Variants in RAB3IP observed in about 807,000 individuals in gnomAD.
RAB3IP encodes RAB3A interacting protein, also known as rab-3A-interacting protein.
A neutral mutation model predicts 59.1 loss-of-function variants in RAB3IP; 36 were observed. The observed-to-expected ratio is 0.61, with a 90% CI of 0.47 to 0.80. The LOEUF (loss-of-function observed/expected upper bound fraction) is 0.80, where lower values mean the gene tolerates loss of function less well. Among genes scored for constraint, RAB3IP ranks in the 30% least tolerant of loss-of-function variants. The probability of loss-of-function intolerance (pLI) is 0.00; values close to 1 mark genes in which losing one functional copy is unlikely to be tolerated. For synonymous variants in RAB3IP, 207 were observed against 191.2 expected (o/e 1.08, Z -0.68); for missense variants, 511 against 536.0 (o/e 0.95, Z 0.46).
intron 1 of RAB3IP, among the ~76,000 whole-genome samples, chr12:69,742,633 G>C (rs912816528): frequency 1.3e-4 from 20 of 152,192 alleles, no homozygotes; most frequent in African/African-American, 4.6e-4. Context: ...TGTGTTTGGT[G>C]ATGGATGATC....
intron 8 of RAB3IP, among the ~76,000 whole-genome samples, chr12:69,806,411 C>T (rs941203371): frequency 1.3e-5 from 2 of 151,794 alleles, no homozygotes; most frequent in Non-Finnish European, 1.5e-5. Context: ...GTCTTGCTAG[C>T]GGTCTATCAG....
At chr12:69,800,449 T>C (rs1878201558) in intron 7 of RAB3IP, 112 bp downstream of exon 7, 1 of 682,002 alleles carries the variant, frequency 1.5e-6, no homozygotes, top group Non-Finnish European at 2.2e-6. Context: ...TATTATAAAA[T>C]GTCATGTTTT....
chr12:69,807,428 C>T (rs933978376), intron 8 of RAB3IP, among the ~76,000 whole-genome samples: 1 of 146,108 alleles, frequency 6.8e-6, no homozygotes, highest in African/African-American at 2.6e-5. Flanking sequence ...GACGGGGCGG[C>T]CGGGCGGAGG....
At position 69,817,122 on chromosome 12, in the gene RAB3IP, G is replaced by A. The variant is rs1185175434; in HGVS notation, c.*1676G>A. ...AATAAAAAGAGAAACAAATCCAGGA[G>A]ATACTGTACGGTTTGAAAGAAAGGT... On this transcript the variant is annotated 3_prime_UTR_variant, in exon 11 of 11. Coordinates refer to ENST00000247833, the MANE Select transcript of RAB3IP (RefSeq NM_022456.5). 2 of 152,154 alleles carry A rather than the reference G, an allele frequency of 1.3e-5. No homozygotes were observed. Among genetic ancestry groups the A allele is most frequent in the East Asian group, 1.9e-4 (1 of 5,188 alleles). The allele number at this position is 152,154 out of a possible 1,614,324, so 9.4% of individuals were successfully genotyped here.
At chr12:69,746,801 T>C (rs967761433) in intron 1 of RAB3IP, among the ~76,000 whole-genome samples, 1 of 152,224 alleles carries the variant, frequency 6.6e-6, no homozygotes, top group African/African-American at 2.4e-5. Context: ...ATTTTTAATC[T>C]CAGAAACTGT....
At chr12:69,807,729 G>A (rs554315324) in intron 8 of RAB3IP, among the ~76,000 whole-genome samples, 4 of 147,586 alleles carry the variant, frequency 2.7e-5, no homozygotes, top group Admixed American at 1.3e-4. Context: ...TGGGGCGGCC[G>A]GGCAGAGGTG....
At chr12:69,744,595 G>A (rs1330580622) in intron 1 of RAB3IP, among the ~76,000 whole-genome samples, 1 of 151,758 alleles carries the variant, frequency 6.6e-6, no homozygotes, top group Non-Finnish European at 1.5e-5. Flanking sequence ...GTGGTGGCAG[G>A]CGCCTGTAAT....
At chr12:69,744,291 A>T (rs1887632349) in intron 1 of RAB3IP, among the ~76,000 whole-genome samples, 1 of 152,198 alleles carries the variant, frequency 6.6e-6, no homozygotes, top group African/African-American at 2.4e-5. Context: ...ATTAAATATT[A>T]GCTCATTGTA....
At chr12:69,786,038 A>G (rs1565904292) in intron 4 of RAB3IP, among the ~76,000 whole-genome samples, 1 of 152,174 alleles carries the variant, frequency 6.6e-6, no homozygotes, top group Non-Finnish European at 1.5e-5. Context: ...TTTTTTTCCT[A>G]AAGATTTGTT....
chr12:69,739,751 C>A, intron 1 of RAB3IP: 3 of 1,358,448 alleles, frequency 2.2e-6, no homozygotes, highest in Non-Finnish European at 3.2e-6. Context: ...CCAGCGTTGA[C>A]AACTCGCCCC....
chr12:69,801,466 T>C (rs1878362488), intron 7 of RAB3IP, 143 bp from the exon 8 acceptor site: 2 of 470,690 alleles, frequency 4.2e-6, no homozygotes, highest in Non-Finnish European at 7.5e-6. Flanking sequence ...ACCAAAATTA[T>C]CTGATTTCTT....
At chr12:69,761,383 G>T (rs150910966) in intron 3 of RAB3IP, among the ~76,000 whole-genome samples, 7 of 152,184 alleles carry the variant, frequency 4.6e-5, no homozygotes, top group African/African-American at 1.7e-4. Context: ...TTCATTTCTA[G>T]GGGATCACTG....
At chr12:69,801,579 A>G in intron 7 of RAB3IP, 30 bp from the exon 8 acceptor site, 1 of 1,241,494 alleles carries the variant, frequency 8.1e-7, no homozygotes, top group East Asian at 2.4e-5. Context: ...CTGCCAGTAT[A>G]GCATCTAGTA....
intron 3 of RAB3IP, among the ~76,000 whole-genome samples, chr12:69,766,597 TG>T (rs1457718424): frequency 6.6e-6 from 1 of 152,046 alleles, no homozygotes; most frequent in Non-Finnish European, 1.5e-5. Context: ...CTCGGCTCAC[TG>T]CAACCTCCGC....
At chr12:69,784,686 G>A in intron 3 of RAB3IP, 34 bp from the exon 4 acceptor site, 1 of 1,282,880 alleles carries the variant, frequency 7.8e-7, no homozygotes, top group Non-Finnish European at 1.1e-6. Context: ...TTCAAACTAT[G>A]GAGATCCAAA....
intron 1 of RAB3IP, among the ~76,000 whole-genome samples, chr12:69,747,181 G>T (rs1329354587): frequency 1.3e-5 from 2 of 152,140 alleles, no homozygotes; most frequent in Admixed American, 6.6e-5. Context: ...TCCTAGAGAT[G>T]ATTATAATAG....
chr12:69,745,640 A>G (rs1239317757), intron 1 of RAB3IP, among the ~76,000 whole-genome samples: 1 of 152,174 alleles, frequency 6.6e-6, no homozygotes. Context: ...ATTAAACATT[A>G]TTATTCTGTT....
intron 8 of RAB3IP, among the ~76,000 whole-genome samples, chr12:69,811,223 C>T (rs866640570): frequency 4.6e-5 from 7 of 151,960 alleles, no homozygotes; most frequent in East Asian, 3.9e-4. Flanking sequence ...CACACACTGC[C>T]GCTTGTGGAA....
At chr12:69,794,153 T>C (rs964018517) in intron 4 of RAB3IP, among the ~76,000 whole-genome samples, 2 of 152,204 alleles carry the variant, frequency 1.3e-5, no homozygotes, top group Non-Finnish European at 2.9e-5. Flanking sequence ...CATTGGTCAT[T>C]GTTTGCCTTC....
Sources: allele counts gnomAD v4.1 joint callset (sites outside exome capture counted in the v4.1 genomes callset), GRCh38; gene constraint gnomAD v4.1.1; transcripts MANE v1.5; gene names NCBI Gene and HGNC (gene_info 2026-07-23, HGNC 2026-07-21).